Variants in JMJD1C observed in about 807,000 individuals in gnomAD.
JMJD1C encodes jumonji domain-containing protein 1C.
In JMJD1C, 31 loss-of-function variants were observed where a neutral mutation model predicts 245.3. The ratio of observed to expected loss-of-function variants is 0.13; its 90% confidence interval spans 0.09 to 0.17. JMJD1C has a LOEUF of 0.17. Among genes scored for constraint, JMJD1C ranks in the 10% least tolerant of loss-of-function variants. The pLI, the probability that JMJD1C is intolerant of heterozygous loss-of-function variation, is 1.00. For missense variants in JMJD1C, 2,691 were observed against 3,000.2 expected, an observed-to-expected ratio of 0.90 and a Z score of 2.41; for synonymous variants, 1,057 against 1,017.4, an observed-to-expected ratio of 1.04 and a Z score of -0.74.
intron 1 of JMJD1C, among the ~76,000 whole-genome samples, chr10:63,418,707 A>T (rs1049871126): frequency 2.0e-5 from 3 of 149,798 alleles, no homozygotes; most frequent in Admixed American, 1.4e-4. Context: ...ATAAACAAAT[A>T]ATTAAAATAT....
intron 2 of JMJD1C, among the ~76,000 whole-genome samples, chr10:63,306,138 G>A (rs1938192562): frequency 6.6e-6 from 1 of 151,860 alleles, no homozygotes; most frequent in African/African-American, 2.4e-5. Context: ...TGCCCAGGCT[G>A]GAGTGCACTG....
chr10:63,208,888 A>C lies in JMJD1C; in HGVS notation c.2868-87T>G, dbSNP rs1846979685. 6 of 1,161,122 alleles carry C rather than the reference A, an allele frequency of 5.2e-6. No individual in the cohort carries two copies. In the South Asian group the frequency reaches 9.5e-5, roughly 18 times the overall value. The allele number at this position is 1,161,122 out of a possible 1,614,324, so 71.9% of individuals were successfully genotyped here. On this transcript the variant is annotated intron_variant, in intron 9 of 25. Transcript: ENST00000399262. The stretch of plus-strand genomic sequence containing the variant: ...TTCTATGCAATATCATTCTATTATG[A>C]AAGTAAAAGACATCTTTGCATGTAC...
rs10995457 is a variant in JMJD1C at position 63,178,613 on chromosome 10, A to G, written c.7085-757T>C. On this transcript the variant is annotated intron_variant, in intron 22 of 25. Transcript: ENST00000399262. ...CTCATTACCATGACTAATGAACGGC[A>G]GGACAAAATGTATTCTGATTAATTT... 5.9e-4 allele frequency among the ~76,000 whole-genome samples: 90 copies of G among 152,342 alleles called. 1 individual carries two copies. In the East Asian group the frequency reaches 0.017, roughly 28 times the overall value.
chr10:63,283,870 T>C (rs1417540419), intron 2 of JMJD1C, among the ~76,000 whole-genome samples: 1 of 152,082 alleles, frequency 6.6e-6, no homozygotes, highest in Admixed American at 6.6e-5. Context: ...AAAGTAGTCA[T>C]GGAAATATGC....
chr10:63,263,953 T>TACAC (rs1564703913), intron 3 of JMJD1C, among the ~76,000 whole-genome samples: 1 of 33,960 alleles, frequency 2.9e-5, no homozygotes, highest in African/African-American at 1.4e-4. Context: ...AAAAAAAAAA[T>TACAC]ACACATACAC....
intron 1 of JMJD1C, among the ~76,000 whole-genome samples, chr10:63,392,592 C>T (rs191333284): frequency 2.5e-3 from 382 of 151,898 alleles, no homozygotes; most frequent in Non-Finnish European, 4.1e-3. Context: ...TTTAGGAGGC[C>T]GAGGTGGGTG....
chr10:63,238,884 A>G (rs968651729), intron 3 of JMJD1C, among the ~76,000 whole-genome samples: 1 of 152,242 alleles, frequency 6.6e-6, no homozygotes, highest in African/African-American at 2.4e-5. Flanking sequence ...CTGGCAATAT[A>G]TCTAAGACAA....
intron 1 of JMJD1C, 118 bp downstream of exon 1, chr10:63,465,377 G>A: frequency 1.8e-6 from 2 of 1,082,330 alleles, no homozygotes; most frequent in Non-Finnish European, 2.6e-6. Context: ...GTTCAGCAGA[G>A]GGGCGTGACC....
At chr10:63,495,930 A>T (rs980775536) in intron 1 of JMJD1C, among the ~76,000 whole-genome samples, 3 of 151,830 alleles carry the variant, frequency 2.0e-5, no homozygotes, top group Admixed American at 2.0e-4. Context: ...GGATATCAAC[A>T]TCTTTCAACC....
At chr10:63,433,511 T>C (rs1950891325) in intron 1 of JMJD1C, among the ~76,000 whole-genome samples, 1 of 152,034 alleles carries the variant, frequency 6.6e-6, no homozygotes, top group African/African-American at 2.4e-5. Context: ...ACCATGATGA[T>C]AATATTCATA....
intron 10 of JMJD1C, chr10:63,202,596 C>A: frequency 2.0e-6 from 2 of 985,432 alleles, no homozygotes; most frequent in Non-Finnish European, 2.4e-6. Flanking sequence ...TCGTTCTTTA[C>A]AATTACATGC....
At chr10:63,279,765 T>A (rs1857192925) in intron 2 of JMJD1C, among the ~76,000 whole-genome samples, 1 of 152,222 alleles carries the variant, frequency 6.6e-6, no homozygotes, top group Admixed American at 6.5e-5. Context: ...CTAAATTAAT[T>A]AATTAATTTA....
intron 2 of JMJD1C, among the ~76,000 whole-genome samples, chr10:63,315,354 T>A (rs1412543587): frequency 6.6e-6 from 1 of 152,146 alleles, no homozygotes; most frequent in Non-Finnish European, 1.5e-5. Flanking sequence ...TACTTGTAAG[T>A]AAGAACATGC....
intron 3 of JMJD1C, chr10:63,222,884 A>G: frequency 6.7e-7 from 1 of 1,489,366 alleles, no homozygotes; most frequent in Non-Finnish European, 9.4e-7. Context: ...TGCATTTCCT[A>G]CCAAAAAGAA....
intron 2 of JMJD1C, among the ~76,000 whole-genome samples, chr10:63,374,355 G>A (rs1481776068): frequency 6.6e-6 from 1 of 152,168 alleles, no homozygotes; most frequent in Non-Finnish European, 1.5e-5. Flanking sequence ...ATTCAATGCT[G>A]CATCCCCTTA....
intron 1 of JMJD1C, among the ~76,000 whole-genome samples, chr10:63,434,616 G>A (rs931252063): frequency 3.3e-5 from 5 of 152,136 alleles, no homozygotes; most frequent in African/African-American, 9.6e-5. Flanking sequence ...AGTGGCTCAC[G>A]CAGTAAACCC....
At chr10:63,215,190 T>C in intron 7 of JMJD1C, 39 bp from the exon 8 acceptor site, 1 of 1,504,422 alleles carries the variant, frequency 6.6e-7, no homozygotes, top group Non-Finnish European at 9.0e-7. Context: ...TTTTTCATAC[T>C]AAATAAGCAT....
intron 1 of JMJD1C, among the ~76,000 whole-genome samples, chr10:63,428,321 C>T (rs192346720): frequency 2.4e-4 from 37 of 152,264 alleles, no homozygotes; most frequent in Middle Eastern, 3.4e-3. Flanking sequence ...CAGTAAAGAA[C>T]ATTTTTCTCT....
intron 1 of JMJD1C, among the ~76,000 whole-genome samples, chr10:63,507,644 C>CAAAAAGAAAA (rs1954760244): frequency 1.7e-5 from 1 of 58,754 alleles, no homozygotes; most frequent in Non-Finnish European, 2.8e-5. Flanking sequence ...GACTCTGTCT[C>CAAAAAGAAAA]AAAAAAAAAA....
Sources: gnomAD v4.1 joint callset for allele counts (sites outside exome capture counted in the v4.1 genomes callset) on GRCh38, gnomAD v4.1.1 for gene constraint, MANE v1.5 for transcripts, NCBI Gene and HGNC (gene_info 2026-07-23, HGNC 2026-07-21) for gene names.